Variants in RRM1 observed in about 807,000 individuals in gnomAD.
The protein encoded by RRM1 is ribonucleotide reductase catalytic subunit M1.
A neutral mutation model predicts 101.5 loss-of-function variants in RRM1; 19 were observed. The observed-to-expected ratio is 0.19, with a 90% CI of 0.13 to 0.27. RRM1 has a LOEUF of 0.27. RRM1 is among the 10% of genes least tolerant of loss of function. The pLI is 1.00. For synonymous variants in RRM1, 298 were observed against 323.4 expected, an observed-to-expected ratio of 0.92 and a Z score of 0.84; for missense variants, 500 against 962.9, an observed-to-expected ratio of 0.52 and a Z score of 6.36.
At chr11:4,131,340 C>T (rs996556564) in intron 15 of RRM1, among the ~76,000 whole-genome samples, 20 of 152,196 alleles carry the variant, frequency 1.3e-4, no homozygotes, top group African/African-American at 4.3e-4. Flanking sequence ...ATGGGAACTA[C>T]AGTTCAAGAT....
At chr11:4,124,920 A>ATTT (rs561272177) in intron 12 of RRM1, among the ~76,000 whole-genome samples, 1 of 83,612 alleles carries the variant, frequency 1.2e-5, no homozygotes. Context: ...TATTTATTTT[A>ATTT]TTTTTTTTTT....
chr11:4,129,023 G>A, intron 14 of RRM1, 51 bp from the exon 15 acceptor site: 1 of 622,646 alleles, frequency 1.6e-6, no homozygotes, highest in Admixed American at 3.7e-5. Flanking sequence ...TTTTTTTTTT[G>A]GTCATAGTTT....
intron 17 of RRM1, 43 bp downstream of exon 17, chr11:4,133,701 G>T: frequency 8.8e-7 from 1 of 1,130,536 alleles, no homozygotes; most frequent in Non-Finnish European, 1.3e-6. Flanking sequence ...GGCTGAGTTG[G>T]ACATTGTGGT....
chr11:4,094,783 T>C (rs2094540522), upstream of RRM1: 2 of 590,184 alleles, frequency 3.4e-6, no homozygotes, highest in Non-Finnish European at 6.1e-6. Flanking sequence ...GTAACGTCAT[T>C]CGAACCCCGT....
At chr11:4,107,396 T>C (rs370007300) in intron 3 of RRM1, 39 bp from the exon 4 acceptor site, 2 of 1,308,048 alleles carry the variant, frequency 1.5e-6, no homozygotes, top group African/African-American at 1.5e-5. Context: ...AGCTGTTAAG[T>C]GGTCTTGATA....
Position 4,132,560 on chromosome 11 carries a change from T to C in RRM1, c.1905+139T>C. The C allele has an allele frequency of 1.3e-6, 1 of 743,854 alleles. No individual in the cohort carries two copies. The highest frequency in any genetic ancestry group is 2.7e-5 in the East Asian group (1 of 37,606). 46.1% of individuals were successfully genotyped at this position (743,854 alleles called of 1,614,324 possible). On this transcript the variant is annotated intron_variant, in intron 16 of 18. Transcript: ENST00000300738. The surrounding 1 kb of genome is among the most constrained non-coding windows in gnomAD (Gnocchi z 4.1). Reference sequence around the variant, plus strand: ...TAAAGACAGTCATCTTCATCTCTAATATTATTATTTGTTATTAATATTTCA... The same window carrying C: ...TAAAGACAGTCATCTTCATCTCTAACATTATTATTTGTTATTAATATTTCA...
chr11:4,097,278 C>CAAAAAAAAAAAAA (rs1221330899), intron 1 of RRM1, among the ~76,000 whole-genome samples: 1 of 68,860 alleles, frequency 1.5e-5, no homozygotes, highest in Non-Finnish European at 2.8e-5. Context: ...CACTCTGTCT[C>CAAAAAAAAAAAAA]AAAAAAAAAA....
intron 11 of RRM1, among the ~76,000 whole-genome samples, 194 bp downstream of exon 11, chr11:4,122,414 T>C (rs1703516864): frequency 6.6e-6 from 1 of 152,226 alleles, no homozygotes; most frequent in African/African-American, 2.4e-5. Flanking sequence ...CTTAAAACTT[T>C]GGAATGTATA....
rs2094578996 is a variant in RRM1 at position 4,119,868 on chromosome 11, T to G, written c.816T>G (p.Leu272=). ...IAGTNGNSNG[L]VPMLRVYNNT... ...AGACTAATGGCAATTCCAATGGCCT[T>G]GTACCGATGCTGAGAGTATATAACA... The change falls in exon 9 of 19, where the codon CTT becomes CTG. Residue 272 remains leucine, a synonymous_variant. Coordinates refer to ENST00000300738, the MANE Select transcript of RRM1 (RefSeq NM_001033.5). 1.2e-6 allele frequency: 2 copies of G among 1,606,602 alleles called. No homozygotes were observed.
rs4910891 is a variant in RRM1 at position 4,132,178 on chromosome 11, A to G, written c.1770-108A>G. 370,863 of 1,114,334 alleles carry G rather than the reference A, an allele frequency of 0.33. 66,153 individuals are homozygous for G. Among genetic ancestry groups the G allele is most frequent in the South Asian group, 0.47 (33,533 of 71,116 alleles). 69.0% of individuals were successfully genotyped at this position (1,114,334 alleles called of 1,614,324 possible). On this transcript the variant is annotated intron_variant, in intron 15 of 18. Coordinates refer to ENST00000300738, the MANE Select transcript of RRM1 (RefSeq NM_001033.5). This position sits in a 1 kb window ranked among gnomAD's most constrained non-coding sequence, Gnocchi z 4.1. Reference sequence around the variant, plus strand: ...GAGTTCAATGCATGTACGATGTTACATTTACATTTACTACATTTATCTACA... The same window carrying G: ...GAGTTCAATGCATGTACGATGTTACGTTTACATTTACTACATTTATCTACA...
chr11:4,135,453 G>GT (rs1194235076), intron 18 of RRM1, among the ~76,000 whole-genome samples, 183 bp downstream of exon 18: 1 of 152,170 alleles, frequency 6.6e-6, no homozygotes, highest in African/African-American at 2.4e-5. Flanking sequence ...GGATTTTCTT[G>GT]TTTCTGTTAG....
At chr11:4,120,414 A>AG (rs2094579927) in intron 9 of RRM1, among the ~76,000 whole-genome samples, 1 of 151,560 alleles carries the variant, frequency 6.6e-6, no homozygotes, top group Admixed American at 6.6e-5. Flanking sequence ...CCCAGGCTGG[A>AG]GTGCAATGGT....
intron 5 of RRM1, 124 bp from the exon 6 acceptor site, chr11:4,111,474 ATTC>A: frequency 1.8e-6 from 1 of 546,676 alleles, no homozygotes; most frequent in Non-Finnish European, 3.2e-6. Flanking sequence ...TAAATGTGCT[ATTC>A]TTTTCATTTG....
chr11:4,103,981 G>A (rs1259178750), intron 2 of RRM1, among the ~76,000 whole-genome samples: 1 of 150,938 alleles, frequency 6.6e-6, no homozygotes, highest in Non-Finnish European at 1.5e-5. Flanking sequence ...GGTTGGGTGT[G>A]GTGGCGCATA....
At chr11:4,118,881 C>A (rs2094577627) in intron 8 of RRM1, among the ~76,000 whole-genome samples, 1 of 152,128 alleles carries the variant, frequency 6.6e-6, no homozygotes, top group Non-Finnish European at 1.5e-5. Flanking sequence ...AATAAAGGTA[C>A]CATTGTCTAA....
chr11:4,101,951 T>A, intron 1 of RRM1, 42 bp from the exon 2 acceptor site: 1 of 1,026,158 alleles, frequency 9.7e-7, no homozygotes, highest in Non-Finnish European at 1.5e-6. Flanking sequence ...TAATAATTGC[T>A]AACATGAATT....
At position 4,132,529 on chromosome 11, in the gene RRM1, C is replaced by T. The variant is rs774814913; in HGVS notation, c.1905+108C>T. ...CCCATTTTCTTAGTTTGGGTGCAAACTTTGATAAAGACAGTCATCTTCATC... is the reference window on the plus strand; with the variant it reads ...CCCATTTTCTTAGTTTGGGTGCAAATTTTGATAAAGACAGTCATCTTCATC... On this transcript the variant is annotated intron_variant, in intron 16 of 18. Coordinates refer to ENST00000300738, the MANE Select transcript of RRM1 (RefSeq NM_001033.5). The surrounding 1 kb of genome is among the most constrained non-coding windows in gnomAD (Gnocchi z 4.1). 36 of 1,095,818 alleles carry T rather than the reference C, an allele frequency of 3.3e-5. No individual in the cohort carries two copies. The highest frequency in any genetic ancestry group is 5.8e-5 in the South Asian group (4 of 69,104). 67.9% of individuals were successfully genotyped at this position (1,095,818 alleles called of 1,614,324 possible). A position where few individuals can be genotyped will look rare whatever the true frequency, so the allele number is the denominator to read the frequency against.
chr11:4,105,831 C>T, intron 2 of RRM1: 1 of 517,274 alleles, frequency 1.9e-6, no homozygotes, highest in South Asian at 2.1e-5. Context: ...TCCCAAAGTG[C>T]TGTGATTATG....
chr11:4,111,915 A>G lies in RRM1; in HGVS notation c.503A>G (p.Gln168Arg). The change falls in exon 7 of 19, where the codon CAA becomes CGA. Residue 168 changes from glutamine (Q) to arginine (R), a missense_variant. Transcript: ENST00000300738. ...KINGKVAERPQHMLMRVSVGI... is the reference protein window; with the variant it reads ...KINGKVAERPRHMLMRVSVGI... Reference sequence around the variant, plus strand: ...TTGTCTATAGTGGCTGAAAGACCACAACATATGTTGATGAGAGTATCTGTT... The same window carrying G: ...TTGTCTATAGTGGCTGAAAGACCACGACATATGTTGATGAGAGTATCTGTT... The G allele has an allele frequency of 6.2e-7, 1 of 1,614,040 alleles. No homozygotes were observed. The highest frequency in any genetic ancestry group is 8.5e-7 in the Non-Finnish European group (1 of 1,179,966).
Sources: allele counts gnomAD v4.1 joint callset (sites outside exome capture counted in the v4.1 genomes callset), GRCh38; gene constraint gnomAD v4.1.1; non-coding constraint Gnocchi (gnomAD v3.1); transcripts MANE v1.5; gene names NCBI Gene and HGNC (gene_info 2026-07-23, HGNC 2026-07-21).